Variants in MMP15 observed in about 807,000 individuals in gnomAD.
The protein encoded by MMP15 is matrix metallopeptidase 15.
A neutral mutation model predicts 65.0 loss-of-function variants in MMP15; 36 were observed. The observed-to-expected ratio is 0.55, with a 90% CI of 0.42 to 0.73. MMP15 has a LOEUF of 0.73. MMP15 is among the 30% of genes least tolerant of loss of function. MMP15 has a pLI of 0.00. For synonymous variants in MMP15, 428 were observed against 410.2 expected (o/e 1.04, Z -0.52); for missense variants, 870 against 987.8 (o/e 0.88, Z 1.60).
chr16:58,041,709 C>T lies in MMP15; in HGVS notation c.1003C>T (p.Pro335Ser), dbSNP rs200591280. ...GCCTGACCACCGGCCGCCCCGGCCTCCCCAGCCACCACCCCCAGGTGGGAA... is the reference window on the plus strand; with the variant it reads ...GCCTGACCACCGGCCGCCCCGGCCTTCCCAGCCACCACCCCCAGGTGGGAA... ...GRPDHRPPRPPQPPPPGGKPE... is the reference protein window; with the variant it reads ...GRPDHRPPRPSQPPPPGGKPE... The change falls in exon 6 of 10, where the codon CCC becomes TCC. Residue 335 changes from proline to serine, a missense_variant. Pro to Ser is a moderately conservative substitution (Grantham distance 74). Transcript: ENST00000219271. 9.3e-3 allele frequency: 14,800 copies of T among 1,584,484 alleles called. 104 individuals are homozygous for T. The highest frequency in any genetic ancestry group is 0.011 in the Non-Finnish European group (12,646 of 1,165,274).
chr16:58,027,555 G>A (rs1247533215), intron 1 of MMP15, among the ~76,000 whole-genome samples: 18 of 152,222 alleles, frequency 1.2e-4, no homozygotes, highest in Non-Finnish European at 4.4e-5. Flanking sequence ...GGCTGCCCGG[G>A]CTGCGGGCCT....
intron 1 of MMP15, among the ~76,000 whole-genome samples, chr16:58,033,836 G>A (rs1314312249): frequency 6.6e-6 from 1 of 152,248 alleles, no homozygotes; most frequent in Non-Finnish European, 1.5e-5. Flanking sequence ...TCAGGAGGCA[G>A]AAGTTGCAGT....
At chr16:58,029,449 T>C (rs1567427966) in intron 1 of MMP15, among the ~76,000 whole-genome samples, 1 of 152,206 alleles carries the variant, frequency 6.6e-6, no homozygotes, top group Non-Finnish European at 1.5e-5. Context: ...CCTCCCCTCT[T>C]GTCTCTGCTT....
chr16:58,042,229 A>G lies in MMP15; in HGVS notation c.1165-2A>G, dbSNP rs1959471960. The stretch of plus-strand genomic sequence containing the variant: ...TGCCCGCTCACACTATGCCCTCCCC[A>G]GGGCCGCTGGTTCTGGCGAGTCCGG... On this transcript the variant is annotated splice_acceptor_variant, in intron 6 of 9. Coordinates refer to ENST00000219271, the MANE Select transcript of MMP15 (RefSeq NM_002428.4). LOFTEE classifies it high-confidence loss of function. 1 of 1,612,930 alleles carries G rather than the reference A, an allele frequency of 6.2e-7. No individual in the cohort carries two copies. The highest frequency in any genetic ancestry group is 1.3e-5 in the African/African-American group (1 of 74,944).
Position 58,026,382 on chromosome 16 carries a change from C to T in MMP15, c.32C>T (p.Pro11Leu). The change falls in exon 1 of 10, where the codon CCG becomes CTG. Residue 11 changes from proline to leucine, a missense_variant. Transcript: ENST00000219271. The part of the protein sequence containing the change: MGSDPSAPGR[P>L]GWTGSLLGDR... ...AGCGACCCGAGCGCGCCCGGACGGC[C>T]GGGCTGGACGGGCAGCCTCCTCGGC... 5.8e-6 allele frequency: 8 copies of T among 1,384,132 alleles called. No homozygotes were observed. The highest frequency in any genetic ancestry group is 7.4e-6 in the Non-Finnish European group (8 of 1,077,924). The allele number at this position is 1,384,132 out of a possible 1,614,324, so 85.7% of individuals were successfully genotyped here.
intron 1 of MMP15, among the ~76,000 whole-genome samples, chr16:58,031,468 G>C (rs41451051): frequency 5.7e-4 from 87 of 152,236 alleles, no homozygotes; most frequent in African/African-American, 2.0e-3. Flanking sequence ...GTCAGCACCT[G>C]CAGGGAGGTT....
Position 58,042,336 on chromosome 16 carries a change from G to A in MMP15, c.1270G>A (p.Glu424Lys), listed in dbSNP as rs759430578. Residue 424 changes from glutamate to lysine, a missense_variant, in exon 7 of 10, where the codon GAG (glutamate) becomes AAG (lysine). Coordinates refer to ENST00000219271, the MANE Select transcript of MMP15 (RefSeq NM_002428.4). ...GLPGDISAAY[E>K]RQDGRFVFFK... ...GCCCGGTGACATCAGTGCTGCCTAC[G>A]AGCGCCAAGACGGTCGTTTTGTCTT... 10 of 1,614,122 alleles carry A rather than the reference G, an allele frequency of 6.2e-6. No homozygotes were observed. The highest frequency in any genetic ancestry group is 1.6e-4 in the Middle Eastern group (1 of 6,084).
At chr16:58,033,772 A>C (rs1448720875) in intron 1 of MMP15, among the ~76,000 whole-genome samples, 2 of 152,242 alleles carry the variant, frequency 1.3e-5, no homozygotes, top group Admixed American at 1.3e-4. Flanking sequence ...GCATGGTGGC[A>C]CATGCCTGCA....
chr16:58,040,667 G>A lies in MMP15; in HGVS notation c.879G>A (p.Glu293=). 1 of 1,614,192 alleles carries A rather than the reference G, an allele frequency of 6.2e-7. No individual in the cohort carries two copies. The highest frequency in any genetic ancestry group is 8.5e-7 in the Non-Finnish European group (1 of 1,180,050). ...WKDVDNFKLP[E]DDLRGIQQLY... is the part of the protein sequence containing the mutation. The stretch of plus-strand genomic sequence containing the variant: ...ACGTTGACAACTTCAAGCTGCCCGA[G>A]GACGATCTCCGTGGCATCCAGCAGC... Residue 293 remains glutamate (E), a synonymous_variant, in exon 5 of 10, where the codon GAG becomes GAA. Coordinates refer to ENST00000219271, the MANE Select transcript of MMP15 (RefSeq NM_002428.4).
intron 1 of MMP15, among the ~76,000 whole-genome samples, chr16:58,029,457 C>G (rs889846296): frequency 6.6e-6 from 1 of 152,218 alleles, no homozygotes; most frequent in East Asian, 1.9e-4. Context: ...CTTGTCTCTG[C>G]TTTTTACTCT....
chr16:58,045,309 A>T lies in MMP15; in HGVS notation c.1873A>T (p.Asn625Tyr). The T allele has an allele frequency of 6.2e-7, 1 of 1,610,360 alleles. No individual in the cohort carries two copies. The highest frequency in any genetic ancestry group is 2.2e-5 in the East Asian group (1 of 44,792). Residue 625 changes from asparagine to tyrosine, a missense_variant, in exon 10 of 10, where the codon AAC becomes TAC. Physicochemically the swap from Asn to Tyr is moderately radical, Grantham distance 143. Transcript: ENST00000219271. ...GATGGAGGAGGTGGCACGGACGGTG[A>T]ACGTGGTGATGGTGCTGGTGCCACT... ...VQMEEVARTV[N>Y]VVMVLVPLLL...
chr16:58,032,020 C>G (rs1043477890), intron 1 of MMP15, among the ~76,000 whole-genome samples: 6 of 152,010 alleles, frequency 3.9e-5, no homozygotes, highest in African/African-American at 1.4e-4. Flanking sequence ...GGCGCTGCCA[C>G]CACACCTGGC....
In MMP15 at chr16:58,045,541, C is replaced by G. The variant is rs926877626; in HGVS notation, c.*95C>G. The G allele has an allele frequency of 5.9e-6, 6 of 1,014,204 alleles. No homozygotes were observed. The African/African-American group carries it at 9.7e-5, about 16-fold the overall frequency. The allele number at this position is 1,014,204 out of a possible 1,614,324, so 62.8% of individuals were successfully genotyped here. Reference sequence around the variant, plus strand: ...TCCGCCCCCAGGTAGGGGCCCCTCTCAGCCCTCACACACCCTGTCTGCCCC... The same window carrying G: ...TCCGCCCCCAGGTAGGGGCCCCTCTGAGCCCTCACACACCCTGTCTGCCCC... On this transcript the variant is annotated 3_prime_UTR_variant, in exon 10 of 10. Transcript: ENST00000219271.
chr16:58,028,268 A>G (rs2142322016), intron 1 of MMP15, among the ~76,000 whole-genome samples: 1 of 152,268 alleles, frequency 6.6e-6, no homozygotes, highest in Non-Finnish European at 1.5e-5. Context: ...TGGTTGCGTT[A>G]TCACAAACCG....
At chr16:58,034,627 C>T (rs1429985907) in intron 1 of MMP15, among the ~76,000 whole-genome samples, 1 of 152,226 alleles carries the variant, frequency 6.6e-6, no homozygotes, top group African/African-American at 2.4e-5. Flanking sequence ...GGCCGTGTTT[C>T]TGCCTACCAC....
At chr16:58,029,291 C>A (rs1963865118) in intron 1 of MMP15, among the ~76,000 whole-genome samples, 1 of 152,240 alleles carries the variant, frequency 6.6e-6, no homozygotes, top group Non-Finnish European at 1.5e-5. Context: ...ACTAGCACTT[C>A]CATGCTGGCT....
At position 58,031,382 on chromosome 16, in the gene MMP15, C is replaced by T. The variant is rs544856937; in HGVS notation, c.162+4870C>T. ...GCCTGAGCTGTGTGAGCCAAAAGCC[C>T]TCCCCCGGCCCACCCAGCCTTGCCC... On this transcript the variant is annotated intron_variant, in intron 1 of 9. Coordinates refer to ENST00000219271, the MANE Select transcript of MMP15 (RefSeq NM_002428.4). Among the ~76,000 whole-genome samples, 8 of 152,304 alleles carry T rather than the reference C, an allele frequency of 5.3e-5. No individual in the cohort carries two copies. In the East Asian group the frequency reaches 1.5e-3, roughly 29 times the overall value.
chr16:58,027,362 C>T (rs923956999), intron 1 of MMP15, among the ~76,000 whole-genome samples: 12 of 152,240 alleles, frequency 7.9e-5, no homozygotes, highest in Non-Finnish European at 4.4e-5. Context: ...ATGGTGTCTC[C>T]CGAGCGAGGA....
intron 1 of MMP15, among the ~76,000 whole-genome samples, chr16:58,031,936 C>T (rs1040635282): frequency 1.6e-5 from 2 of 126,450 alleles, no homozygotes; most frequent in Non-Finnish European, 1.6e-5. Context: ...GGCGTGATCT[C>T]GGCTCACTGC....
Sources: gnomAD v4.1 joint callset for allele counts (sites outside exome capture counted in the v4.1 genomes callset) on GRCh38, gnomAD v4.1.1 for gene constraint, MANE v1.5 for transcripts, NCBI Gene and HGNC (gene_info 2026-07-23, HGNC 2026-07-21) for gene names.